RCAN2: variants seen among roughly 807,000 people sequenced by gnomAD.
RCAN2 encodes regulator of calcineurin 2, also known as calcipressin-2.
Under a neutral mutation model 23.6 loss-of-function variants are expected in RCAN2, and 9 were observed. That is an observed-to-expected ratio of 0.38 (90% confidence interval 0.23 to 0.67). The LOEUF is 0.67. Among genes scored for constraint, RCAN2 ranks in the 30% least tolerant of loss-of-function variants. The pLI is 0.51. For synonymous variants in RCAN2, 109 were observed against 115.7 expected (o/e 0.94, Z 0.37); for missense variants, 273 against 302.3 (o/e 0.90, Z 0.72).
At chr6:46,234,218 G>C (rs1766008712) in intron 4 of RCAN2, among the ~76,000 whole-genome samples, 1 of 152,144 alleles carries the variant, frequency 6.6e-6, no homozygotes, top group South Asian at 2.1e-4. Flanking sequence ...TTTTATTGCT[G>C]TGATCCCATT....
At chr6:46,269,994 T>TGCAGGG (rs1473325532) in intron 2 of RCAN2, among the ~76,000 whole-genome samples, 1 of 152,176 alleles carries the variant, frequency 6.6e-6, no homozygotes, top group Non-Finnish European at 1.5e-5. Context: ...GCTATTCTCA[T>TGCAGGG]GCAGGGACTC....
chr6:46,412,363 A>G (rs1766572573), intron 2 of RCAN2, among the ~76,000 whole-genome samples: 1 of 152,196 alleles, frequency 6.6e-6, no homozygotes, highest in Non-Finnish European at 1.5e-5. Context: ...TTCAGTAGAC[A>G]AATCTGAGAG....
intron 1 of RCAN2, among the ~76,000 whole-genome samples, chr6:46,480,236 T>A (rs935982701): frequency 3.3e-5 from 5 of 152,208 alleles, no homozygotes; most frequent in South Asian, 2.1e-4. Flanking sequence ...AGTTTCCTCA[T>A]CTAAAGAACA....
At chr6:46,471,158 C>G (rs923338055) in intron 1 of RCAN2, among the ~76,000 whole-genome samples, 1 of 152,150 alleles carries the variant, frequency 6.6e-6, no homozygotes, top group Non-Finnish European at 1.5e-5. Flanking sequence ...ACATGTGGAG[C>G]CTTACAAGCC....
chr6:46,301,322 G>C (rs1762897663), intron 2 of RCAN2, among the ~76,000 whole-genome samples: 1 of 152,040 alleles, frequency 6.6e-6, no homozygotes, highest in Admixed American at 6.6e-5. Flanking sequence ...TAAGACAGCT[G>C]TAAGGACTGC....
At chr6:46,224,075 G>T (rs1234267543) in intron 4 of RCAN2, among the ~76,000 whole-genome samples, 1 of 152,184 alleles carries the variant, frequency 6.6e-6, no homozygotes, top group Admixed American at 6.5e-5. Context: ...ATATAAAATG[G>T]TGAGCACTAT....
chr6:46,414,125 G>A (rs1766630783), intron 2 of RCAN2, among the ~76,000 whole-genome samples: 1 of 152,180 alleles, frequency 6.6e-6, no homozygotes, highest in Non-Finnish European at 1.5e-5. Context: ...GCTGGCCAGT[G>A]AGGAGACTGA....
chr6:46,223,533 G>C (rs1765551094), intron 4 of RCAN2, among the ~76,000 whole-genome samples: 1 of 152,104 alleles, frequency 6.6e-6, no homozygotes, highest in Admixed American at 6.6e-5. Context: ...ATACCTCTTA[G>C]CCTCCACATC....
chr6:46,369,826 C>T (rs572312365), intron 2 of RCAN2, among the ~76,000 whole-genome samples: 17 of 152,292 alleles, frequency 1.1e-4, no homozygotes, highest in South Asian at 4.1e-4. Flanking sequence ...TATTTCCTAA[C>T]GACAAGAGCA....
intron 2 of RCAN2, among the ~76,000 whole-genome samples, chr6:46,400,586 G>A (rs113645923): frequency 6.6e-6 from 1 of 152,152 alleles, no homozygotes; most frequent in African/African-American, 2.4e-5. Context: ...CTCTCAGTAC[G>A]CAGGCCACAA....
intron 2 of RCAN2, among the ~76,000 whole-genome samples, chr6:46,413,333 T>C (rs573240540): frequency 3.9e-5 from 6 of 152,306 alleles, no homozygotes; most frequent in African/African-American, 1.2e-4. Flanking sequence ...AGATAATTAG[T>C]TGGTATTTAA....
At chr6:46,433,604 G>A (rs892129760) in intron 2 of RCAN2, among the ~76,000 whole-genome samples, 1 of 152,144 alleles carries the variant, frequency 6.6e-6, no homozygotes, top group Non-Finnish European at 1.5e-5. Context: ...TGAAGTTGGA[G>A]GAAGGGGCTA....
intron 2 of RCAN2, among the ~76,000 whole-genome samples, chr6:46,302,757 A>G (rs779453152): frequency 6.6e-6 from 1 of 152,082 alleles, no homozygotes; most frequent in Non-Finnish European, 1.5e-5. Context: ...ACTTCATTGA[A>G]TATTGGCTAG....
At chr6:46,409,945 G>T (rs1766501792) in intron 2 of RCAN2, among the ~76,000 whole-genome samples, 1 of 152,240 alleles carries the variant, frequency 6.6e-6, no homozygotes, top group Middle Eastern at 3.4e-3. Flanking sequence ...TCACCAACAT[G>T]GGCAGGTACT....
intron 1 of RCAN2, among the ~76,000 whole-genome samples, chr6:46,482,881 C>A (rs1254057880): frequency 6.6e-6 from 1 of 152,146 alleles, no homozygotes; most frequent in Non-Finnish European, 1.5e-5. Context: ...TTTGTATAAG[C>A]ATAAGATTTT....
chr6:46,296,936 G>A (rs1161968950), intron 2 of RCAN2, among the ~76,000 whole-genome samples: 1 of 152,038 alleles, frequency 6.6e-6, no homozygotes, highest in African/African-American at 2.4e-5. Context: ...GCCTTCAAGA[G>A]GTCAGGTCCT....
chr6:46,241,725 T>C (rs145559080), intron 4 of RCAN2, among the ~76,000 whole-genome samples: 1 of 152,332 alleles, frequency 6.6e-6, no homozygotes, highest in South Asian at 2.1e-4. Context: ...CATATTTTAA[T>C]TTAGTAGCTG....
chr6:46,469,735 A>T (rs1400113378), intron 1 of RCAN2, among the ~76,000 whole-genome samples: 2 of 152,188 alleles, frequency 1.3e-5, no homozygotes, highest in Non-Finnish European at 2.9e-5. Flanking sequence ...TCCTAAATGT[A>T]GGTGTTGAAA....
At chr6:46,352,059 C>T (rs1764663739) in intron 2 of RCAN2, among the ~76,000 whole-genome samples, 1 of 152,152 alleles carries the variant, frequency 6.6e-6, no homozygotes, top group Non-Finnish European at 1.5e-5. Context: ...CCCACTACCC[C>T]CACAAACATA....
Sources: gnomAD v4.1 joint callset for allele counts (sites outside exome capture counted in the v4.1 genomes callset) on GRCh38, gnomAD v4.1.1 for gene constraint, MANE v1.5 for transcripts, NCBI Gene and HGNC (gene_info 2026-07-23, HGNC 2026-07-21) for gene names.